The following SLC16A12 variants were observed in gnomAD, a reference collection of about 807,000 sequenced individuals.
SLC16A12 encodes the protein monocarboxylate transporter 12.
In SLC16A12, 17 loss-of-function variants were observed where a neutral mutation model predicts 42.4. That is an observed-to-expected ratio of 0.40 (90% CI 0.27 to 0.60). SLC16A12 has a LOEUF of 0.60. Among genes scored for constraint, SLC16A12 ranks in the 20% least tolerant of loss-of-function variants. The pLI is 0.42. For missense variants in SLC16A12, 544 were observed against 623.0 expected (o/e 0.87, Z 1.35); for synonymous variants, 224 against 229.4 (o/e 0.98, Z 0.21).
chr10:89,553,409 C>A (rs941881607), intron 2 of SLC16A12, among the ~76,000 whole-genome samples: 1 of 152,198 alleles, frequency 6.6e-6, no homozygotes, highest in Non-Finnish European at 1.5e-5. Context: ...AAATCACAGG[C>A]TATTAAATCA....
intron 2 of SLC16A12, among the ~76,000 whole-genome samples, chr10:89,511,245 A>T (rs1843156351): frequency 6.6e-6 from 1 of 152,228 alleles, no homozygotes. Context: ...TACCCAAAGG[A>T]TTATAAATCA....
At chr10:89,505,845 C>T (rs1282463825) in intron 2 of SLC16A12, among the ~76,000 whole-genome samples, 6 of 152,176 alleles carry the variant, frequency 3.9e-5, no homozygotes, top group Non-Finnish European at 7.4e-5. Flanking sequence ...TTGAAATTCT[C>T]GTGGCTAGCG....
intron 2 of SLC16A12, among the ~76,000 whole-genome samples, chr10:89,550,826 C>T (rs182378402): frequency 6.6e-6 from 1 of 152,292 alleles, no homozygotes; most frequent in Admixed American, 6.5e-5. Context: ...TTAAATGTCA[C>T]CTCCCCCAGG....
At chr10:89,514,710 A>G (rs569271254) in intron 2 of SLC16A12, among the ~76,000 whole-genome samples, 1 of 152,276 alleles carries the variant, frequency 6.6e-6, no homozygotes, top group South Asian at 2.1e-4. Context: ...TGTTTCCTCA[A>G]TGTTTACAGG....
exon 1 of SLC16A12, chr10:89,556,591 G>A (rs933751624): frequency 6.6e-6 from 1 of 152,090 alleles, no homozygotes; most frequent in Non-Finnish European, 1.5e-5. Context: ...GGTTTCTGGA[G>A]CTGGTTTCTG....
intron 3 of SLC16A12, among the ~76,000 whole-genome samples, chr10:89,455,892 AC>A (rs1334810009): frequency 6.6e-6 from 1 of 152,090 alleles, no homozygotes; most frequent in African/African-American, 2.4e-5. Flanking sequence ...GTAGCAAACA[AC>A]TCCTAACAAC....
At chr10:89,542,319 T>TC (rs1843720405) in intron 2 of SLC16A12, among the ~76,000 whole-genome samples, 1 of 147,730 alleles carries the variant, frequency 6.8e-6, no homozygotes, top group South Asian at 2.1e-4. Flanking sequence ...TTTTTTTTTT[T>TC]TGAGATAGAG....
rs983363774 is a variant in SLC16A12, at chr10:89,462,889, C to A, written c.-46-265G>T. 6 of 296,706 alleles carry A rather than the reference C, an allele frequency of 2.0e-5. No individual in the cohort carries two copies. In the South Asian group the frequency reaches 3.0e-4, roughly 15 times the overall value. 18.4% of individuals were successfully genotyped at this position (296,706 alleles called of 1,614,324 possible). Reference sequence around the variant, plus strand: ...TAGCCTCTCTTGAAGGTAGTTGTGGCAATAAAGTGTAGTCTCCATGAAAGG... The same window carrying A: ...TAGCCTCTCTTGAAGGTAGTTGTGGAAATAAAGTGTAGTCTCCATGAAAGG... On this transcript the variant is annotated intron_variant, in intron 2 of 7. Transcript: ENST00000371790.
chr10:89,480,114 C>T (rs1842641575), intron 2 of SLC16A12, among the ~76,000 whole-genome samples: 1 of 152,316 alleles, frequency 6.6e-6, no homozygotes, highest in Admixed American at 6.5e-5. Flanking sequence ...TGACAGGACA[C>T]CCCTCTCTCA....
intron 2 of SLC16A12, chr10:89,462,908 T>A (rs1337033433): frequency 3.8e-6 from 1 of 260,764 alleles, no homozygotes; most frequent in Non-Finnish European, 7.3e-6. Context: ...GTAGTCTCCA[T>A]GAAAGGGATG....
chr10:89,487,498 C>T (rs1842774975), intron 2 of SLC16A12, among the ~76,000 whole-genome samples: 2 of 151,838 alleles, frequency 1.3e-5, no homozygotes. Context: ...TGGGTATTTA[C>T]CCAAAGGAAA....
At chr10:89,485,648 C>T (rs1842732280) in intron 2 of SLC16A12, among the ~76,000 whole-genome samples, 1 of 152,108 alleles carries the variant, frequency 6.6e-6, no homozygotes, top group Non-Finnish European at 1.5e-5. Flanking sequence ...GTGTATTAAA[C>T]ACAGAGACTG....
upstream of SLC16A12, among the ~76,000 whole-genome samples, chr10:89,536,494 C>T (rs560228203): frequency 1.6e-4 from 24 of 152,056 alleles, no homozygotes; most frequent in African/African-American, 5.1e-4. Context: ...GTGTAGGCGC[C>T]CGGTACATAA....
At position 89,430,563 on chromosome 10, in the gene SLC16A12, A is replaced by G; in HGVS notation, c.*2501T>C. 1 of 422,556 alleles carries G rather than the reference A, an allele frequency of 2.4e-6. No individual in the cohort carries two copies. Among genetic ancestry groups the G allele is most frequent in the South Asian group, 1.9e-5 (1 of 54,042 alleles). 26.2% of individuals were successfully genotyped at this position (422,556 alleles called of 1,614,324 possible). On this transcript the variant is annotated 3_prime_UTR_variant, in exon 8 of 8. Coordinates refer to ENST00000371790, the MANE Select transcript of SLC16A12 (RefSeq NM_213606.4). ...AATACATCATTCCCATGAATTTCTC[A>G]GTTTTGAAATAAACAGTATAGACAC...
At chr10:89,440,155 A>T (rs1049119422) in intron 5 of SLC16A12, among the ~76,000 whole-genome samples, 1 of 147,882 alleles carries the variant, frequency 6.8e-6, no homozygotes, top group Non-Finnish European at 1.5e-5. Flanking sequence ...GTGAGCCTGG[A>T]TTTTATGGCA....
intron 6 of SLC16A12, among the ~76,000 whole-genome samples, chr10:89,437,464 G>A (rs1196181280): frequency 6.6e-6 from 1 of 151,816 alleles, no homozygotes; most frequent in Non-Finnish European, 1.5e-5. Flanking sequence ...TGGATCTGAG[G>A]GTTAGGTGAC....
At chr10:89,495,035 G>C (rs111784606) in intron 2 of SLC16A12, among the ~76,000 whole-genome samples, 1,758 of 152,108 alleles carry the variant, frequency 0.012, 48 homozygotes, top group Middle Eastern at 0.017. Flanking sequence ...CCACAACTCT[G>C]GCCCTATATT....
At chr10:89,463,540 C>T (rs1411063128) in intron 2 of SLC16A12, among the ~76,000 whole-genome samples, 1 of 151,984 alleles carries the variant, frequency 6.6e-6, no homozygotes, top group Non-Finnish European at 1.5e-5. Flanking sequence ...AAAATATAGG[C>T]AAATATTTAT....
chr10:89,541,881 G>T (rs1260253529), intron 2 of SLC16A12, among the ~76,000 whole-genome samples: 1 of 152,070 alleles, frequency 6.6e-6, no homozygotes, highest in Non-Finnish European at 1.5e-5. Context: ...ATATGTGTTT[G>T]ATATTATTAT....
Sources: gnomAD v4.1 joint callset for allele counts (sites outside exome capture counted in the v4.1 genomes callset) on GRCh38, gnomAD v4.1.1 for gene constraint, MANE v1.5 for transcripts, NCBI Gene and HGNC (gene_info 2026-07-23, HGNC 2026-07-21) for gene names.